Variants in CNDP1 observed in about 807,000 individuals in gnomAD.
CNDP1 encodes beta-Ala-His dipeptidase.
In CNDP1, 44 loss-of-function variants were observed where a neutral mutation model predicts 58.1. The ratio of observed to expected loss-of-function variants is 0.76; its 90% CI spans 0.60 to 0.97. The LOEUF (loss-of-function observed/expected upper bound fraction) is 0.97, where lower values mean the gene tolerates loss of function less well. CNDP1 is among the 50% of genes least tolerant of loss of function. The pLI, the probability that CNDP1 is intolerant of heterozygous loss-of-function variation, is 0.00. For synonymous variants in CNDP1, 254 were observed against 252.6 expected, an observed-to-expected ratio of 1.01 and a Z score of -0.05; for missense variants, 616 against 655.1, an observed-to-expected ratio of 0.94 and a Z score of 0.65.
chr18:74,571,449 C>CT (rs991127016), intron 7 of CNDP1, among the ~76,000 whole-genome samples, 179 bp downstream of exon 7: 26 of 152,286 alleles, frequency 1.7e-4, no homozygotes, highest in African/African-American at 6.0e-4. Flanking sequence ...TGCATTATTT[C>CT]TTTTCATGGA....
chr18:74,544,668 A>G (rs561889551), intron 1 of CNDP1, among the ~76,000 whole-genome samples: 32 of 148,228 alleles, frequency 2.2e-4, no homozygotes, highest in South Asian at 1.3e-3. Context: ...GCAGTGAACC[A>G]AGATCATGTC....
chr18:74,583,457 C>G (rs1981835278), intron 10 of CNDP1, 104 bp from the exon 11 acceptor site: 1 of 917,438 alleles, frequency 1.1e-6, no homozygotes, highest in East Asian at 2.5e-5. Context: ...GAAAGATTAA[C>G]AAGGAAAAAG....
chr18:74,539,567 A>G (rs1247774903), intron 1 of CNDP1, among the ~76,000 whole-genome samples: 1 of 152,178 alleles, frequency 6.6e-6, no homozygotes, highest in Non-Finnish European at 1.5e-5. Flanking sequence ...TCCTCCGACC[A>G]AACTCCTTGT....
intron 7 of CNDP1, among the ~76,000 whole-genome samples, chr18:74,574,278 C>T (rs532564957): frequency 1.3e-5 from 2 of 152,234 alleles, no homozygotes; most frequent in Non-Finnish European, 2.9e-5. Flanking sequence ...CACTAAGGTA[C>T]AAAGCAAAAC....
intron 1 of CNDP1, among the ~76,000 whole-genome samples, chr18:74,550,118 A>G (rs1437642310): frequency 6.6e-6 from 1 of 152,204 alleles, no homozygotes; most frequent in Non-Finnish European, 1.5e-5. Context: ...TAGGGTCCCC[A>G]CTGGGGCACT....
intron 1 of CNDP1, among the ~76,000 whole-genome samples, chr18:74,549,794 G>A (rs1980854756): frequency 6.6e-6 from 1 of 152,206 alleles, no homozygotes; most frequent in African/African-American, 2.4e-5. Flanking sequence ...GGTTCCATGG[G>A]CCAGACCTGG....
In CNDP1 at chr18:74,584,495, G is replaced by C; in HGVS notation, c.1458-1G>C. 6.2e-7 allele frequency: 1 copy of C among 1,609,902 alleles called. No homozygotes were observed. On this transcript the variant is annotated splice_acceptor_variant, in intron 11 of 11. Transcript: ENST00000358821. LOFTEE classifies it high-confidence loss of function. ...TTTCTCTTTGTTTTTCCTCTTCTTA[G>C]GTGGAACTACATAGAGGGAACCAAA...
At chr18:74,554,872 G>T (rs918678606) in intron 1 of CNDP1, among the ~76,000 whole-genome samples, 1 of 152,196 alleles carries the variant, frequency 6.6e-6, no homozygotes, top group African/African-American at 2.4e-5. Flanking sequence ...CCATGAAAAT[G>T]ACAGAATGAA....
intron 2 of CNDP1, among the ~76,000 whole-genome samples, chr18:74,558,770 T>G (rs973744159): frequency 1.3e-5 from 2 of 152,114 alleles, no homozygotes; most frequent in Non-Finnish European, 2.9e-5. Flanking sequence ...GTCACATAGC[T>G]ATGACAGGCT....
Position 74,560,936 on chromosome 18 carries a change from C to T in CNDP1, c.384C>T (p.Cys128=). ...LGSDPTKGTV[C]FYGHLDVQPA... ...GCGATCCCACGAAAGGCACCGTGTG[C>T]TTCTACGGCCACTTGGACGTGCAGC... Residue 128 remains cysteine, a synonymous_variant, in exon 4 of 12, where the codon TGC becomes TGT. Transcript: ENST00000358821. 1.9e-6 allele frequency: 3 copies of T among 1,614,180 alleles called. No individual in the cohort carries two copies. The highest frequency in any genetic ancestry group is 1.1e-5 in the South Asian group (1 of 91,086).
At position 74,576,872 on chromosome 18, in the gene CNDP1, G is replaced by C; in HGVS notation, c.845G>C (p.Ser282Thr). 3 of 1,605,668 alleles carry C rather than the reference G, an allele frequency of 1.9e-6. No individual in the cohort carries two copies. Among genetic ancestry groups the C allele is most frequent in the South Asian group, 2.3e-5 (2 of 88,872 alleles). ...PMADLVALLG[S>T]LVDSSGHILV... is the part of the protein sequence containing the mutation. ...GTTTTCTGTGTGTGTTTTGTAGGTA[G>C]CCTGGTAGACTCGTCTGGTCATATC... The change falls in exon 8 of 12, where the codon AGC becomes ACC. Residue 282 changes from serine to threonine, a missense_variant. Ser to Thr is a moderately conservative substitution (Grantham distance 58, BLOSUM62 1). Coordinates refer to ENST00000358821, the MANE Select transcript of CNDP1 (RefSeq NM_032649.6).
rs74694982 is a variant in CNDP1, at chr18:74,546,265, G to T, written c.25-10073G>T. Among the ~76,000 whole-genome samples, 491 of 152,292 alleles carry T rather than the reference G, an allele frequency of 3.2e-3. 3 individuals are homozygous for T. Among genetic ancestry groups the T allele is most frequent in the Admixed American group, 5.2e-3 (79 of 15,300 alleles). Reference sequence around the variant, plus strand: ...CGAGGCTCAGATCCCTGTCCAGACTGTGGGGAGTAAAAGTGTCTGAAGGCG... The same window carrying T: ...CGAGGCTCAGATCCCTGTCCAGACTTTGGGGAGTAAAAGTGTCTGAAGGCG... On this transcript the variant is annotated intron_variant, in intron 1 of 11. Transcript: ENST00000358821.
In CNDP1 at chr18:74,564,928, A is replaced by G. The variant is rs57552349; in HGVS notation, c.556-2305A>G. Among the ~76,000 whole-genome samples the G allele has an allele frequency of 5.5e-3, 843 of 152,334 alleles. 9 individuals are homozygous for G. The highest frequency in any genetic ancestry group is 0.019 in the African/African-American group (777 of 41,572). On this transcript the variant is annotated intron_variant, in intron 5 of 11. Transcript: ENST00000358821. ...ATCTTCAAAGGTGAATGGGCAATGT[A>G]TTAGTCCGTTTTCATGCTGCTGATA...
chr18:74,565,639 G>A (rs1354243560), intron 5 of CNDP1, among the ~76,000 whole-genome samples: 1 of 152,138 alleles, frequency 6.6e-6, no homozygotes, highest in African/African-American at 2.4e-5. Flanking sequence ...TTACACTGAT[G>A]CTAGAGGTGG....
At position 74,580,247 on chromosome 18, in the gene CNDP1, G is replaced by A. The variant is rs138535410; in HGVS notation, c.1285G>A (p.Ala429Thr). The change falls in exon 10 of 12, where the codon GCA becomes ACA. Residue 429 changes from alanine to threonine, a missense_variant. Physicochemically the swap from Ala to Thr is moderately conservative, Grantham distance 58. Coordinates refer to ENST00000358821, the MANE Select transcript of CNDP1 (RefSeq NM_032649.6). ...IANIDDTQYL[A>T]AKRAIRTVFG... is the part of the protein sequence containing the mutation. ...AAATATTGATGACACCCAGTATCTCGCAGCAAAAAGAGCGATCAGAACAGG... is the reference window on the plus strand; with the variant it reads ...AAATATTGATGACACCCAGTATCTCACAGCAAAAAGAGCGATCAGAACAGG... 67 of 1,614,018 alleles carry A rather than the reference G, an allele frequency of 4.2e-5. No homozygotes were observed. Among genetic ancestry groups the A allele is most frequent in the African/African-American group, 5.3e-5 (4 of 74,910 alleles).
At position 74,571,168 on chromosome 18, in the gene CNDP1, C is replaced by T; in HGVS notation, c.757-18C>T. ...CCAAGGCAGGAAGTATATCTCTTAC[C>T]TTTTATCTACTCTGCAGGTGAAATG... is the stretch of plus-strand genomic sequence containing the variant. On this transcript the variant is annotated intron_variant, in intron 6 of 11. Transcript: ENST00000358821. The T allele has an allele frequency of 6.4e-7, 1 of 1,565,802 alleles. No homozygotes were observed.
chr18:74,550,890 A>G (rs1352202517), intron 1 of CNDP1, among the ~76,000 whole-genome samples: 1 of 152,008 alleles, frequency 6.6e-6, no homozygotes, highest in African/African-American at 2.4e-5. Context: ...GTGAGCCACC[A>G]TGCCCAGCCC....
At position 74,586,175 on chromosome 18, in the gene CNDP1, C is replaced by T. The variant is rs1472924373; in HGVS notation, c.*1613C>T. 6.6e-6 allele frequency: 1 copy of T among 152,164 alleles called. No individual in the cohort carries two copies. Among genetic ancestry groups the T allele is most frequent in the Non-Finnish European group, 1.5e-5 (1 of 68,040 alleles). The allele number at this position is 152,164 out of a possible 1,614,324, so 9.4% of individuals were successfully genotyped here. ...ACTCTAGTCATAGAAGTGGACCCAA[C>T]TGAGAGCTCAACCTAGTTGTGGGCA... On this transcript the variant is annotated 3_prime_UTR_variant, in exon 12 of 12. Transcript: ENST00000358821.
At chr18:74,538,829 A>G (rs1980546391) in intron 1 of CNDP1, among the ~76,000 whole-genome samples, 1 of 152,204 alleles carries the variant, frequency 6.6e-6, no homozygotes, top group African/African-American at 2.4e-5. Context: ...AAGATCTACC[A>G]TTTTAACCAT....
Sources: gnomAD v4.1 joint callset for allele counts (sites outside exome capture counted in the v4.1 genomes callset) on GRCh38, gnomAD v4.1.1 for gene constraint, MANE v1.5 for transcripts, NCBI Gene and HGNC (gene_info 2026-07-23, HGNC 2026-07-21) for gene names.